The following TMEM183A variants were observed in gnomAD, a reference collection of about 807,000 sequenced individuals.
TMEM183A encodes the protein transmembrane protein 183A.
A neutral mutation model predicts 46.7 loss-of-function variants in TMEM183A; 21 were observed. The observed-to-expected ratio is 0.45, with a 90% CI of 0.32 to 0.65. The LOEUF is 0.65. Among genes scored for constraint, TMEM183A ranks in the 30% least tolerant of loss-of-function variants. The probability of loss-of-function intolerance (pLI) is 0.04; values close to 1 mark genes in which losing one functional copy is unlikely to be tolerated. For missense variants in TMEM183A, 331 were observed against 481.9 expected, an observed-to-expected ratio of 0.69 and a Z score of 2.93; for synonymous variants, 165 against 180.2, an observed-to-expected ratio of 0.92 and a Z score of 0.68.
intron 4 of TMEM183A, 31 bp from the exon 5 acceptor site, chr1:203,015,929 A>G: frequency 6.2e-7 from 1 of 1,605,956 alleles, no homozygotes. Flanking sequence ...GACAGGTCAC[A>G]TATTGGTAGG....
intron 3 of TMEM183A, among the ~76,000 whole-genome samples, chr1:203,011,531 C>A (rs753168493): frequency 6.6e-6 from 1 of 152,068 alleles, no homozygotes; most frequent in African/African-American, 2.4e-5. Context: ...CTCAGCCTCC[C>A]GAGTAGCTGG....
In TMEM183A at chr1:203,024,431, C is replaced by CA. The variant is rs1657994092; in HGVS notation, c.*1392dup. 1 of 151,586 alleles carries CA rather than the reference C, an allele frequency of 6.6e-6. No individual in the cohort carries two copies. The highest frequency in any genetic ancestry group is 2.4e-5 in the African/African-American group (1 of 41,210). The allele number at this position is 151,586 out of a possible 1,614,324, so 9.4% of individuals were successfully genotyped here. On this transcript the variant is annotated 3_prime_UTR_variant, in exon 8 of 8. Transcript: ENST00000367242. ...TATTGCCAGGAGGTGGGCATTAAGA[C>CA]AGTATTCTTTAAAAGTGAAAATCTT...
At chr1:203,022,651 C>T (rs922648807) in intron 7 of TMEM183A, among the ~76,000 whole-genome samples, 1 of 149,900 alleles carries the variant, frequency 6.7e-6, no homozygotes, top group African/African-American at 2.5e-5. Context: ...TGCAGTGAGC[C>T]GAGATCACAT....
intron 3 of TMEM183A, among the ~76,000 whole-genome samples, chr1:203,010,780 T>A (rs1263038360): frequency 1.3e-5 from 2 of 152,218 alleles, no homozygotes; most frequent in Admixed American, 6.5e-5. Context: ...TGTGCAACCA[T>A]CAACATGGTC....
At position 203,023,115 on chromosome 1, in the gene TMEM183A, G is replaced by C; in HGVS notation, c.*75G>C. ...ATCAGATTCCAGTTTGGACAGGGTG[G>C]CTGGATTGTATATCTCGTTAGTAAT... On this transcript the variant is annotated 3_prime_UTR_variant, in exon 8 of 8. Transcript: ENST00000367242. 1.2e-6 allele frequency: 1 copy of C among 844,082 alleles called. No homozygotes were observed. The highest frequency in any genetic ancestry group is 1.8e-6 in the Non-Finnish European group (1 of 553,846). 52.3% of individuals were successfully genotyped at this position (844,082 alleles called of 1,614,324 possible).
chr1:203,007,811 C>G lies in TMEM183A; in HGVS notation c.147C>G (p.Val49=). ...ATTACGCCAACTCGGATCCGGCGGT[C>G]GTGAGGTCTGGACGAGTCAAGAAAG... ...VADYANSDPA[V]VRSGRVKKAV... is the part of the protein sequence containing the mutation. Residue 49 remains valine, a synonymous_variant, in exon 2 of 8, where the codon GTC becomes GTG. Transcript: ENST00000367242. 3.7e-6 allele frequency: 6 copies of G among 1,613,892 alleles called. No individual in the cohort carries two copies. The highest frequency in any genetic ancestry group is 5.1e-6 in the Non-Finnish European group (6 of 1,179,852).
chr1:203,007,873 G>C lies in TMEM183A; in HGVS notation c.199+10G>C, dbSNP rs546483494. On this transcript the variant is annotated intron_variant, in intron 2 of 7. Transcript: ENST00000367242. ...GCTGTTCAGCAGGAAGGTAAGCTTT[G>C]CGCGAGCCTTTAAAGACTCATGCCG... 1 of 1,614,024 alleles carries C rather than the reference G, an allele frequency of 6.2e-7. No homozygotes were observed. The highest frequency in any genetic ancestry group is 1.3e-5 in the African/African-American group (1 of 75,052).
At chr1:203,010,668 T>C (rs79536708) in intron 3 of TMEM183A, among the ~76,000 whole-genome samples, 1 of 152,230 alleles carries the variant, frequency 6.6e-6, no homozygotes, top group South Asian at 2.1e-4. Flanking sequence ...CTTGTTGTTT[T>C]GGACTTGTTC....
chr1:203,018,630 A>T, intron 6 of TMEM183A, 69 bp downstream of exon 6: 1 of 1,542,618 alleles, frequency 6.5e-7, no homozygotes, highest in African/African-American at 1.4e-5. Flanking sequence ...TATCTTTCTT[A>T]GTCTGTTTGT....
intron 5 of TMEM183A, chr1:203,017,952 A>G (rs1443533829): frequency 1.0e-6 from 1 of 986,150 alleles, no homozygotes; most frequent in African/African-American, 1.7e-5. Context: ...CCCTAGCTGT[A>G]GCCTGACTTT....
At chr1:203,009,803 G>A (rs1417756866) in intron 3 of TMEM183A, among the ~76,000 whole-genome samples, 1 of 152,120 alleles carries the variant, frequency 6.6e-6, no homozygotes, top group East Asian at 1.9e-4. Flanking sequence ...TAAAGCTAAA[G>A]TGGTTCTGAT....
At chr1:203,015,439 A>T (rs1019138493) in intron 4 of TMEM183A, 1 of 248,738 alleles carries the variant, frequency 4.0e-6, no homozygotes, top group Non-Finnish European at 7.8e-6. Flanking sequence ...TAAGTATTAC[A>T]CAGTTTTTGT....
chr1:203,013,986 C>T lies in TMEM183A; in HGVS notation c.368-903C>T, dbSNP rs1471987317. 6.6e-6 allele frequency among the ~76,000 whole-genome samples: 1 copy of T among 152,132 alleles called. No homozygotes were observed. Among genetic ancestry groups the T allele is most frequent in the Non-Finnish European group, 1.5e-5 (1 of 68,016 alleles). ...GCCAGGATGGTCTCGATCTCTTGAC[C>T]TCGTGATCTGCCTGCCTTGGCCTCC... On this transcript the variant is annotated intron_variant, in intron 3 of 7. Coordinates refer to ENST00000367242, the MANE Select transcript of TMEM183A (RefSeq NM_138391.6). This position sits in a 1 kb window ranked among gnomAD's most constrained non-coding sequence, Gnocchi z 4.0.
intron 7 of TMEM183A, among the ~76,000 whole-genome samples, chr1:203,022,635 G>A (rs1052529074): frequency 2.0e-5 from 3 of 151,646 alleles, no homozygotes; most frequent in African/African-American, 7.3e-5. Context: ...CCCAGGAGGC[G>A]GAGGTTGCAG....
chr1:203,022,700 CT>C (rs1657811687), intron 7 of TMEM183A, among the ~76,000 whole-genome samples, 154 bp from the exon 8 acceptor site: 1 of 142,808 alleles, frequency 7.0e-6, no homozygotes, highest in Admixed American at 7.0e-5. Context: ...GAGGTCCTTT[CT>C]CAAAAAAAAA....
At position 203,013,459 on chromosome 1, in the gene TMEM183A, A is replaced by G. The variant is rs76511944; in HGVS notation, c.368-1430A>G. ...CATCAAGGTCAAGAGAATTAATGCT[A>G]ATGAGTTCTGGAGAATTAATGCTAA... is the stretch of plus-strand genomic sequence containing the variant. On this transcript the variant is annotated intron_variant, in intron 3 of 7. Coordinates refer to ENST00000367242, the MANE Select transcript of TMEM183A (RefSeq NM_138391.6). This position sits in a 1 kb window ranked among gnomAD's most constrained non-coding sequence, Gnocchi z 4.0. Among the ~76,000 whole-genome samples the G allele has an allele frequency of 8.4e-3, 1,273 of 152,278 alleles. 24 individuals carry two copies. The highest frequency in any genetic ancestry group is 0.029 in the African/African-American group (1,206 of 41,560).
At chr1:203,021,486 T>C (rs923600046) in intron 7 of TMEM183A, among the ~76,000 whole-genome samples, 2 of 152,262 alleles carry the variant, frequency 1.3e-5, no homozygotes, top group Admixed American at 1.3e-4. Flanking sequence ...GAGAGTATTT[T>C]ACCTTGTTTC....
At chr1:203,012,694 G>A (rs546687792) in intron 3 of TMEM183A, among the ~76,000 whole-genome samples, 1 of 152,162 alleles carries the variant, frequency 6.6e-6, no homozygotes, top group South Asian at 2.1e-4. Context: ...AGTCCTTATG[G>A]GTCTCAGTAG....
intron 7 of TMEM183A, among the ~76,000 whole-genome samples, chr1:203,022,562 T>G (rs971864239): frequency 1.3e-5 from 2 of 151,794 alleles, no homozygotes; most frequent in African/African-American, 4.8e-5. Context: ...AATTAGCCGG[T>G]CATGGTGGTG....
Sources: allele counts gnomAD v4.1 joint callset (sites outside exome capture counted in the v4.1 genomes callset), GRCh38; gene constraint gnomAD v4.1.1; non-coding constraint Gnocchi (gnomAD v3.1); transcripts MANE v1.5; gene names NCBI Gene and HGNC (gene_info 2026-07-23, HGNC 2026-07-21).